The following PTPRS variants were observed in gnomAD, a reference collection of about 807,000 sequenced individuals.
PTPRS encodes receptor-type tyrosine-protein phosphatase S.
In PTPRS, 63 loss-of-function variants were observed where a neutral mutation model predicts 215.3. The observed-to-expected ratio is 0.29, with a 90% CI of 0.24 to 0.36. The LOEUF is 0.36. Among genes scored for constraint, PTPRS ranks in the 10% least tolerant of loss-of-function variants. The pLI is 1.00. For synonymous variants in PTPRS, 1,404 were observed against 1,191.4 expected, an observed-to-expected ratio of 1.18 and a Z score of -3.68; for missense variants, 2,258 against 2,825.8, an observed-to-expected ratio of 0.80 and a Z score of 4.56.
At chr19:5,260,717 G>T (rs2045921636) in intron 7 of PTPRS, 88 bp downstream of exon 7, 1 of 1,528,876 alleles carries the variant, frequency 6.5e-7, no homozygotes, top group African/African-American at 1.4e-5. Context: ...CATGGAAGGG[G>T]GCCTGGGGGC....
intron 4 of PTPRS, among the ~76,000 whole-genome samples, chr19:5,272,588 A>T (rs576622692): frequency 6.5e-5 from 8 of 122,150 alleles, no homozygotes; most frequent in African/African-American, 2.4e-4. Context: ...ACAAAGCAAG[A>T]CTGTCTCAAA....
rs1274302822 is a variant in PTPRS at position 5,206,244 on chromosome 19, T to C, written c.*530A>G. The stretch of plus-strand genomic sequence containing the variant: ...ATTGACTGGCGAGTCTTTTGTTTGT[T>C]TCTCTTAAAAAAAAAAATGGAAAAA... On this transcript the variant is annotated 3_prime_UTR_variant, in exon 38 of 38. Coordinates refer to ENST00000262963, the MANE Select transcript of PTPRS (RefSeq NM_002850.4). 1 of 196,552 alleles carries C rather than the reference T, an allele frequency of 5.1e-6. No individual in the cohort carries two copies. Among genetic ancestry groups the C allele is most frequent in the Non-Finnish European group, 9.8e-6 (1 of 101,952 alleles). 12.2% of individuals were successfully genotyped at this position (196,552 alleles called of 1,614,324 possible).
Position 5,237,857 on chromosome 19 carries a change from C to A in PTPRS, c.1849+1062G>T, listed in dbSNP as rs896713902. 6.6e-6 allele frequency among the ~76,000 whole-genome samples: 1 copy of A among 151,926 alleles called. No homozygotes were observed. ...AAGGAGGGAAGGGGGCCGGCGGGGG[C>A]AGGGGGGTTGTGTCTCCGAGGCGCC... On this transcript the variant is annotated intron_variant, in intron 13 of 37. Coordinates refer to ENST00000262963, the MANE Select transcript of PTPRS (RefSeq NM_002850.4). This position sits in a 1 kb window ranked among gnomAD's most constrained non-coding sequence, Gnocchi z 4.2.
rs1012858382 is a variant in PTPRS at position 5,265,076 on chromosome 19, G to A, written c.500C>T (p.Thr167Ile). Residue 167 changes from threonine (T) to isoleucine (I), a missense_variant, in exon 5 of 38, where the codon ACC (threonine) becomes ATC (isoleucine). By Grantham distance (89) the Thr-to-Ile change is moderately conservative. Around this residue, in one of 6 missense-constraint regions of PTPRS, gnomAD observed 508 missense variants for 799.4 expected, o/e 0.64. Coordinates refer to ENST00000262963, the MANE Select transcript of PTPRS (RefSeq NM_002850.4). ...CACAGGCAGGAAGTCCTTGAACCAG[G>A]TGATCTCAGGGTCAGGGTTGCCGCT... ...AASGNPDPEI[T>I]WFKDFLPVDP... 2.5e-6 allele frequency: 4 copies of A among 1,614,030 alleles called. No individual in the cohort carries two copies. The highest frequency in any genetic ancestry group is 3.4e-6 in the Non-Finnish European group (4 of 1,180,004).
chr19:5,221,251 G>A lies in PTPRS; in HGVS notation c.3204C>T (p.Ile1068=), dbSNP rs1388602200. Residue 1068 remains isoleucine (I), a splice_region_variant and synonymous_variant, in exon 20 of 38, where the codon ATC becomes ATT. Transcript: ENST00000262963. The part of the protein sequence containing the change: ...DNYNSPTPYK[I]QYNGLTLDVD... ...CATCCAGTGTGAGCCCATTGTACTG[G>A]ATCTGCGGACCAGGGCTAGCTCAGC... 3.1e-6 allele frequency: 5 copies of A among 1,611,474 alleles called. No homozygotes were observed. The highest frequency in any genetic ancestry group is 1.7e-4 in the Middle Eastern group (1 of 6,052).
chr19:5,253,629 A>G (rs765303756), intron 9 of PTPRS, among the ~76,000 whole-genome samples: 1 of 152,168 alleles, frequency 6.6e-6, no homozygotes, highest in Non-Finnish European at 1.5e-5. Flanking sequence ...GCCAGGAGAA[A>G]ATGAGATCAT....
intron 9 of PTPRS, among the ~76,000 whole-genome samples, chr19:5,251,454 C>T (rs1156319960): frequency 2.0e-5 from 3 of 146,478 alleles, no homozygotes; most frequent in Non-Finnish European, 4.6e-5. Context: ...TTGGTACCCG[C>T]TCTCTCTTTC....
chr19:5,312,327 G>C (rs2049733216), intron 1 of PTPRS, among the ~76,000 whole-genome samples: 1 of 152,130 alleles, frequency 6.6e-6, no homozygotes, highest in Admixed American at 6.6e-5. Context: ...TGTGGGACGA[G>C]AAGGTGAGCA....
chr19:5,221,862 C>T (rs548261325), intron 19 of PTPRS, among the ~76,000 whole-genome samples: 9 of 152,314 alleles, frequency 5.9e-5, no homozygotes, highest in Admixed American at 4.6e-4. Context: ...GAACCTCAAT[C>T]CCAGCTAAGC....
intron 1 of PTPRS, among the ~76,000 whole-genome samples, chr19:5,314,324 C>T (rs2049804745): frequency 1.3e-5 from 2 of 152,270 alleles, no homozygotes; most frequent in African/African-American, 4.8e-5. Context: ...CAAAGCAACC[C>T]AGAGTCTGCA....
At chr19:5,304,898 C>G (rs538525043) in intron 1 of PTPRS, among the ~76,000 whole-genome samples, 2 of 138,906 alleles carry the variant, frequency 1.4e-5, no homozygotes, top group East Asian at 4.2e-4. Flanking sequence ...GGTGGGGACC[C>G]TGGGCCAGGT....
chr19:5,320,025 G>A (rs1022997713), intron 1 of PTPRS, among the ~76,000 whole-genome samples: 3 of 152,168 alleles, frequency 2.0e-5, no homozygotes, highest in East Asian at 3.9e-4. Context: ...TGGTGGACAG[G>A]AGGCATCTGA....
chr19:5,219,525 G>A lies in PTPRS; in HGVS notation c.3766-58C>T, dbSNP rs552801752. 10 of 1,497,480 alleles carry A rather than the reference G, an allele frequency of 6.7e-6. No individual in the cohort carries two copies. In the South Asian group the frequency reaches 6.7e-5, roughly 10 times the overall value. 92.8% of individuals were successfully genotyped at this position (1,497,480 alleles called of 1,614,324 possible). On this transcript the variant is annotated intron_variant, in intron 22 of 37. Transcript: ENST00000262963. ...TCCACCCTCCTTGTAGTGGCCAGAT[G>A]GGTCTTTCTCAAACATGAACCTACG...
At chr19:5,261,204 C>A in intron 6 of PTPRS, among the ~76,000 whole-genome samples, 1 of 152,030 alleles carries the variant, frequency 6.6e-6, no homozygotes, top group Admixed American at 6.6e-5. Context: ...TCATCACCCC[C>A]CCTTCCTTCT....
At chr19:5,302,386 C>T (rs1473410733) in intron 1 of PTPRS, among the ~76,000 whole-genome samples, 2 of 152,096 alleles carry the variant, frequency 1.3e-5, no homozygotes, top group South Asian at 2.1e-4. Context: ...TTTCATGCCA[C>T]TGTCTCCCGT....
chr19:5,299,329 C>T (rs2049233607), intron 1 of PTPRS, among the ~76,000 whole-genome samples: 1 of 152,264 alleles, frequency 6.6e-6, no homozygotes, highest in Non-Finnish European at 1.5e-5. Context: ...GCTGTTCCTC[C>T]AGCACCCCAA....
chr19:5,238,299 A>G (rs1329000954), intron 13 of PTPRS, among the ~76,000 whole-genome samples: 1 of 152,146 alleles, frequency 6.6e-6, no homozygotes, highest in African/African-American at 2.4e-5. Context: ...CCGGCACAGC[A>G]GAGAACTCCA....
At chr19:5,322,804 G>C in intron 1 of PTPRS, among the ~76,000 whole-genome samples, 1 of 149,496 alleles carries the variant, frequency 6.7e-6, no homozygotes, top group East Asian at 2.0e-4. Context: ...GCTTGAACCC[G>C]GGAGGTGGAG....
Position 5,206,527 on chromosome 19 carries a change from T to C in PTPRS, c.*247A>G. On this transcript the variant is annotated 3_prime_UTR_variant, in exon 38 of 38. Transcript: ENST00000262963. ...CCACCCCGGAATCTGGTTTTGGAAT[T>C]GGAAGGAAAGGAGGAATGTGCCAAG... is the stretch of plus-strand genomic sequence containing the variant. The C allele has an allele frequency of 3.6e-6, 1 of 280,586 alleles. No individual in the cohort carries two copies. The highest frequency in any genetic ancestry group is 4.0e-5 in the South Asian group (1 of 24,816). The allele number at this position is 280,586 out of a possible 1,614,324, so 17.4% of individuals were successfully genotyped here.
Sources: gnomAD v4.1 joint callset for allele counts (sites outside exome capture counted in the v4.1 genomes callset) on GRCh38, gnomAD v4.1.1 for gene constraint, gnomAD v4.1.1 regional missense constraint, Gnocchi (gnomAD v3.1) non-coding constraint, MANE v1.5 for transcripts, NCBI Gene and HGNC (gene_info 2026-07-23, HGNC 2026-07-21) for gene names.